Variants in LRRC69 observed in about 807,000 individuals in gnomAD.
LRRC69 encodes the protein leucine-rich repeat-containing protein 69.
In LRRC69, 42 loss-of-function variants were observed where a neutral mutation model predicts 37.8. The observed-to-expected ratio is 1.11, with a 90% CI of 0.87 to 1.44. The LOEUF (loss-of-function observed/expected upper bound fraction) is 1.44. Ranked by LOEUF, LRRC69 falls within the 40% of genes most tolerant of loss-of-function variation. LRRC69 has a pLI of 0.00. For missense variants in LRRC69, 357 were observed against 401.9 expected, an observed-to-expected ratio of 0.89 and a Z score of 0.96; for synonymous variants, 141 against 143.1, an observed-to-expected ratio of 0.99 and a Z score of 0.11.
At chr8:91,159,131 C>G (rs1444123403) in intron 5 of LRRC69, among the ~76,000 whole-genome samples, 1 of 151,088 alleles carries the variant, frequency 6.6e-6, no homozygotes, top group Non-Finnish European at 1.5e-5. Context: ...ATTGCCTTCC[C>G]ATTGATCCTT....
chr8:91,122,885 G>C (rs1357623369), intron 1 of LRRC69, among the ~76,000 whole-genome samples: 1 of 152,008 alleles, frequency 6.6e-6, no homozygotes, highest in African/African-American at 2.4e-5. Context: ...TATGACAAAG[G>C]GAAATTAAGG....
intron 6 of LRRC69, among the ~76,000 whole-genome samples, chr8:91,192,788 T>G (rs1809523322): frequency 6.6e-6 from 1 of 150,492 alleles, no homozygotes; most frequent in Non-Finnish European, 1.5e-5. Context: ...TTCTCCCATT[T>G]TCTAGGTTGC....
intron 1 of LRRC69, among the ~76,000 whole-genome samples, chr8:91,115,495 A>G (rs537719326): frequency 1.3e-5 from 2 of 152,086 alleles, no homozygotes; most frequent in South Asian, 2.1e-4. Flanking sequence ...AAGAAATACT[A>G]TTTTTTAAAA....
chr8:91,173,870 C>T (rs6471269), intron 5 of LRRC69, among the ~76,000 whole-genome samples: 102,389 of 151,392 alleles, frequency 0.68, 35,086 homozygotes, highest in African/African-American at 0.74. Context: ...TACTATCATA[C>T]TGGGGATTGT....
chr8:91,133,096 T>C lies in LRRC69; in HGVS notation c.384-14T>C. On this transcript the variant is annotated splice_polypyrimidine_tract_variant and intron_variant, in intron 3 of 7. Coordinates refer to ENST00000448384, the Ensembl canonical transcript of LRRC69. ...GAGTTTCATTCATATACTTTGGTGT[T>C]TTTTTTTTTTTAGATTAAAAAGTCT... 8.2e-7 allele frequency: 1 copy of C among 1,212,956 alleles called. No individual in the cohort carries two copies. Among genetic ancestry groups the C allele is most frequent in the Non-Finnish European group, 1.1e-6 (1 of 912,900 alleles). The allele number at this position is 1,212,956 out of a possible 1,614,324, so 75.1% of individuals were successfully genotyped here. A position where few individuals can be genotyped will look rare whatever the true frequency, so the allele number is the denominator to read the frequency against.
At chr8:91,179,653 C>G (rs776452849) in intron 5 of LRRC69, among the ~76,000 whole-genome samples, 5 of 152,158 alleles carry the variant, frequency 3.3e-5, no homozygotes, top group African/African-American at 4.8e-5. Flanking sequence ...CTGCATTGGT[C>G]TTTTGACCCT....
At chr8:91,184,753 A>G (rs187849396) in intron 5 of LRRC69, among the ~76,000 whole-genome samples, 135 of 152,292 alleles carry the variant, frequency 8.9e-4, no homozygotes, top group African/African-American at 3.1e-3. Context: ...CTGAGGCCAA[A>G]TTGTTCCAAG....
At chr8:91,167,007 C>T (rs1809041998) in intron 5 of LRRC69, among the ~76,000 whole-genome samples, 1 of 151,778 alleles carries the variant, frequency 6.6e-6, no homozygotes, top group Admixed American at 6.6e-5. Context: ...ACAGTTTTTG[C>T]CCCACTCCCT....
At chr8:91,185,577 A>G (rs1175374784) in intron 5 of LRRC69, among the ~76,000 whole-genome samples, 1 of 77,926 alleles carries the variant, frequency 1.3e-5, no homozygotes, top group Non-Finnish European at 2.8e-5. Context: ...CAGCACAGAT[A>G]TTTTTTCTTT....
chr8:91,106,477 C>G (rs1309843529), intron 1 of LRRC69, among the ~76,000 whole-genome samples: 2 of 151,914 alleles, frequency 1.3e-5, no homozygotes, highest in Non-Finnish European at 2.9e-5. Context: ...CAACATCAAC[C>G]ATTCACTGGG....
At chr8:91,122,447 AAC>A (rs1813642956) in intron 1 of LRRC69, among the ~76,000 whole-genome samples, 1 of 152,110 alleles carries the variant, frequency 6.6e-6, no homozygotes, top group Non-Finnish European at 1.5e-5. Flanking sequence ...CCTGTTCAGT[AAC>A]ACAGCCTACT....
intron 1 of LRRC69, among the ~76,000 whole-genome samples, chr8:91,107,248 C>T (rs995181654): frequency 2.0e-5 from 3 of 151,876 alleles, no homozygotes; most frequent in African/African-American, 7.2e-5. Context: ...GATTTTCCTT[C>T]CTCAGCCTCC....
chr8:91,128,399 A>T (rs79531187), intron 3 of LRRC69, among the ~76,000 whole-genome samples: 1,849 of 152,202 alleles, frequency 0.012, 32 homozygotes, highest in African/African-American at 0.043. Context: ...GAAAGATGAA[A>T]GAATGCTTTC....
At chr8:91,171,326 CAG>C (rs1006865505) in intron 5 of LRRC69, among the ~76,000 whole-genome samples, 3 of 151,730 alleles carry the variant, frequency 2.0e-5, no homozygotes, top group Non-Finnish European at 2.9e-5. Flanking sequence ...TTTATATTGT[CAG>C]AGTTGAGCTT....
intron 1 of LRRC69, among the ~76,000 whole-genome samples, chr8:91,118,914 A>G (rs1277475768): frequency 1.3e-5 from 2 of 152,096 alleles, no homozygotes; most frequent in African/African-American, 2.4e-5. Context: ...ATCTTACATC[A>G]AGTGTCATCT....
chr8:91,182,475 G>A (rs558901859), intron 5 of LRRC69, among the ~76,000 whole-genome samples: 34 of 152,172 alleles, frequency 2.2e-4, no homozygotes, highest in Middle Eastern at 3.4e-3. Flanking sequence ...TGTTGACTAC[G>A]TACTGTGATA....
intron 5 of LRRC69, among the ~76,000 whole-genome samples, chr8:91,151,535 G>A (rs908570780): frequency 2.7e-5 from 4 of 150,476 alleles, no homozygotes; most frequent in African/African-American, 4.9e-5. Context: ...TTTTAATCCA[G>A]TCTGTCATTG....
intron 5 of LRRC69, among the ~76,000 whole-genome samples, chr8:91,147,247 TATA>T (rs1351030770): frequency 1.7e-5 from 2 of 120,954 alleles, no homozygotes; most frequent in African/African-American, 6.6e-5. Flanking sequence ...TATATAAACA[TATA>T]ATATATATTA....
intron 7 of LRRC69, among the ~76,000 whole-genome samples, chr8:91,202,078 C>T (rs960817017): frequency 5.9e-5 from 9 of 151,988 alleles, no homozygotes; most frequent in Non-Finnish European, 1.3e-4. Context: ...TGGTGATGGG[C>T]GCCTGTAATC....
Sources: allele counts gnomAD v4.1 joint callset (sites outside exome capture counted in the v4.1 genomes callset), GRCh38; gene constraint gnomAD v4.1.1; transcripts MANE v1.5; gene names NCBI Gene and HGNC (gene_info 2026-07-23, HGNC 2026-07-21).